Variants in SLC6A11 observed in about 807,000 individuals in gnomAD.
The protein encoded by SLC6A11 is solute carrier family 6 member 11.
Under a neutral mutation model 74.8 loss-of-function variants are expected in SLC6A11, and 25 were observed. The ratio of observed to expected loss-of-function variants is 0.33; its 90% CI spans 0.24 to 0.47. The LOEUF (loss-of-function observed/expected upper bound fraction) is 0.47, where lower values mean the gene tolerates loss of function less well. Among genes scored for constraint, SLC6A11 ranks in the 20% least tolerant of loss-of-function variants. The probability of loss-of-function intolerance (pLI) is 1.00; values close to 1 mark genes in which losing one functional copy is unlikely to be tolerated. For missense variants in SLC6A11, 574 were observed against 837.0 expected, an observed-to-expected ratio of 0.69 and a Z score of 3.88; for synonymous variants, 330 against 330.2, an observed-to-expected ratio of 1.00 and a Z score of 0.01.
At chr3:10,847,093 CCATGAG>C (rs1357416366) in intron 5 of SLC6A11, among the ~76,000 whole-genome samples, 2 of 152,116 alleles carry the variant, frequency 1.3e-5, no homozygotes, top group African/African-American at 2.4e-5. Context: ...TTGAACAGCC[CCATGAG>C]ATGGGGGCTA....
chr3:10,819,457 C>G lies in SLC6A11; in HGVS notation c.257-8C>G. ...CAGTTTTCATTTCATTCCTTTGCAT[C>G]CTTACAGGGGCATTCCTGATTCCCT... On this transcript the variant is annotated splice_region_variant and splice_polypyrimidine_tract_variant and intron_variant, in intron 1 of 13. Transcript: ENST00000254488. The G allele has an allele frequency of 6.2e-7, 1 of 1,603,436 alleles. No homozygotes were observed.
chr3:10,818,247 A>G (rs73814439), intron 1 of SLC6A11, among the ~76,000 whole-genome samples: 1,585 of 149,540 alleles, frequency 0.011, 27 homozygotes, highest in African/African-American at 0.038. Flanking sequence ...GCTTTCTGAA[A>G]GTGTCATACG....
At position 10,864,078 on chromosome 3, in the gene SLC6A11, C is replaced by A. The variant is rs559268947; in HGVS notation, c.757-10883C>A. ...TGTCAGTCCTATTATTATTAGCTAT[C>A]TTCTGATCTTCCATTTCTCCCAAGT... is the stretch of plus-strand genomic sequence containing the variant. On this transcript the variant is annotated intron_variant, in intron 5 of 13. Transcript: ENST00000254488. Among the ~76,000 whole-genome samples, 3 of 152,100 alleles carry A rather than the reference C, an allele frequency of 2.0e-5. No individual in the cohort carries two copies. In the East Asian group the frequency reaches 5.9e-4, roughly 30 times the overall value.
intron 6 of SLC6A11, among the ~76,000 whole-genome samples, chr3:10,900,006 A>G (rs1041288037): frequency 6.6e-6 from 1 of 152,186 alleles, no homozygotes; most frequent in African/African-American, 2.4e-5. Flanking sequence ...CTTTCCCCAT[A>G]GCTACACTGA....
At chr3:10,892,295 G>A (rs1051195811) in intron 6 of SLC6A11, among the ~76,000 whole-genome samples, 1 of 152,256 alleles carries the variant, frequency 6.6e-6, no homozygotes, top group Non-Finnish European at 1.5e-5. Flanking sequence ...TGTTCACACA[G>A]AGGCCAAACA....
In SLC6A11 at chr3:10,859,887, C is replaced by T. The variant is rs187764062; in HGVS notation, c.757-15074C>T. ...GCTTTAACATTATTCCTGTGTGACACGTGGAATAGTCACACCAGACTCTAC... is the reference window on the plus strand; with the variant it reads ...GCTTTAACATTATTCCTGTGTGACATGTGGAATAGTCACACCAGACTCTAC... On this transcript the variant is annotated intron_variant, in intron 5 of 13. Coordinates refer to ENST00000254488, the MANE Select transcript of SLC6A11 (RefSeq NM_014229.3). 7.9e-5 allele frequency among the ~76,000 whole-genome samples: 12 copies of T among 152,282 alleles called. No individual in the cohort carries two copies. In the East Asian group the frequency reaches 1.2e-3, roughly 15 times the overall value.
At chr3:10,865,959 A>G (rs1161455405) in intron 5 of SLC6A11, among the ~76,000 whole-genome samples, 1 of 152,212 alleles carries the variant, frequency 6.6e-6, no homozygotes, top group Non-Finnish European at 1.5e-5. Context: ...CCCACCCAAG[A>G]TCACAGAGGC....
At chr3:10,823,267 A>G (rs1694160877) in intron 3 of SLC6A11, 35 bp from the exon 4 acceptor site, 1 of 1,485,164 alleles carries the variant, frequency 6.7e-7, no homozygotes. Context: ...ATGGAGATTA[A>G]TTTTCTTCTA....
rs1695439880 is a variant in SLC6A11 at position 10,915,271 on chromosome 3, T to C, written c.996-3058T>C. ...AGTGGCAGCTTCATTCCCCACTGAGTGCGTGGAGGATGTATGCTGTCAGCC... is the reference window on the plus strand; with the variant it reads ...AGTGGCAGCTTCATTCCCCACTGAGCGCGTGGAGGATGTATGCTGTCAGCC... On this transcript the variant is annotated intron_variant, in intron 7 of 13. Coordinates refer to ENST00000254488, the MANE Select transcript of SLC6A11 (RefSeq NM_014229.3). The surrounding 1 kb of genome is among the most constrained non-coding windows in gnomAD (Gnocchi z 4.3). Among the ~76,000 whole-genome samples, 1 of 152,080 alleles carries C rather than the reference T, an allele frequency of 6.6e-6. No individual in the cohort carries two copies. Among genetic ancestry groups the C allele is most frequent in the Non-Finnish European group, 1.5e-5 (1 of 68,004 alleles).
intron 1 of SLC6A11, among the ~76,000 whole-genome samples, chr3:10,817,268 G>A (rs1368821838): frequency 6.6e-6 from 1 of 152,158 alleles, no homozygotes; most frequent in Non-Finnish European, 1.5e-5. Context: ...AGTCACCCAC[G>A]ACAAACAGCA....
At chr3:10,923,299 G>A (rs1695560552) in intron 8 of SLC6A11, among the ~76,000 whole-genome samples, 1 of 150,868 alleles carries the variant, frequency 6.6e-6, no homozygotes, top group Non-Finnish European at 1.5e-5. Context: ...TGATTTCCGG[G>A]CTAGGGCAAG....
chr3:10,852,762 T>C (rs1450316718), intron 5 of SLC6A11, among the ~76,000 whole-genome samples: 1 of 152,278 alleles, frequency 6.6e-6, no homozygotes, highest in Non-Finnish European at 1.5e-5. Flanking sequence ...AAAGTGGTTT[T>C]GCTCTCAGTG....
chr3:10,912,313 G>T, intron 7 of SLC6A11, 120 bp downstream of exon 7: 1 of 705,050 alleles, frequency 1.4e-6, no homozygotes. Context: ...TAGATAGGCT[G>T]TTTGTTGGCC....
At chr3:10,893,975 AGCATGAGGAAT>A (rs1402941261) in intron 6 of SLC6A11, among the ~76,000 whole-genome samples, 1 of 152,160 alleles carries the variant, frequency 6.6e-6, no homozygotes, top group Non-Finnish European at 1.5e-5. Context: ...CGCTGAGGGA[AGCATGAGGAAT>A]GAAGACAGCC....
chr3:10,840,829 C>T (rs977950822), intron 4 of SLC6A11, among the ~76,000 whole-genome samples: 4 of 152,086 alleles, frequency 2.6e-5, no homozygotes, highest in South Asian at 2.1e-4. Context: ...GGTTCACTGT[C>T]GTTGAAATGG....
intron 8 of SLC6A11, among the ~76,000 whole-genome samples, chr3:10,925,765 T>G (rs545968317): frequency 1.6e-4 from 24 of 152,286 alleles, no homozygotes; most frequent in African/African-American, 5.8e-4. Flanking sequence ...AACCTAGGCT[T>G]GAATCCTGAC....
At chr3:10,841,811 G>A (rs759535983) in intron 4 of SLC6A11, among the ~76,000 whole-genome samples, 2 of 152,222 alleles carry the variant, frequency 1.3e-5, no homozygotes, top group Non-Finnish European at 1.5e-5. Flanking sequence ...GTCTGTGTGT[G>A]TGTGTGCGTG....
intron 5 of SLC6A11, among the ~76,000 whole-genome samples, chr3:10,850,428 G>A (rs1694558765): frequency 2.0e-5 from 3 of 152,208 alleles, no homozygotes; most frequent in South Asian, 2.1e-4. Context: ...TCTTTTCAAT[G>A]GCGAGTGAAC....
At chr3:10,919,489 C>G (rs1355032327) in intron 8 of SLC6A11, among the ~76,000 whole-genome samples, 1 of 152,172 alleles carries the variant, frequency 6.6e-6, no homozygotes, top group African/African-American at 2.4e-5. Flanking sequence ...AAGCCCCAGT[C>G]CAGGGTGTGG....
Sources: allele counts gnomAD v4.1 joint callset (sites outside exome capture counted in the v4.1 genomes callset), GRCh38; gene constraint gnomAD v4.1.1; non-coding constraint Gnocchi (gnomAD v3.1); transcripts MANE v1.5; gene names NCBI Gene and HGNC (gene_info 2026-07-23, HGNC 2026-07-21).